The following LPAR1 variants were observed in gnomAD, a reference collection of about 807,000 sequenced individuals.
The protein encoded by LPAR1 is lysophosphatidic acid receptor 1, also known as LPA receptor 1.
A neutral mutation model predicts 23.8 loss-of-function variants in LPAR1; 5 were observed. The ratio of observed to expected loss-of-function variants is 0.21; its 90% confidence interval spans 0.11 to 0.44. The LOEUF (loss-of-function observed/expected upper bound fraction) is 0.44. Ranked by LOEUF, LPAR1 falls within the 20% of genes least tolerant of loss-of-function variation. The pLI is 0.99. For synonymous variants in LPAR1, 160 were observed against 164.7 expected (o/e 0.97, Z 0.22); for missense variants, 311 against 482.8 (o/e 0.64, Z 3.33).
At chr9:111,020,191 A>C (rs910469553) in intron 2 of LPAR1, among the ~76,000 whole-genome samples, 1 of 152,246 alleles carries the variant, frequency 6.6e-6, no homozygotes, top group African/African-American at 2.4e-5. Flanking sequence ...ATTAGGGAGA[A>C]AATCCAGTCC....
intron 5 of LPAR1, among the ~76,000 whole-genome samples, chr9:110,904,774 T>A (rs892426249): frequency 6.6e-6 from 1 of 152,192 alleles, no homozygotes; most frequent in Admixed American, 6.5e-5. Flanking sequence ...CCACACCCAG[T>A]GATAATTCTA....
intron 5 of LPAR1, among the ~76,000 whole-genome samples, chr9:110,900,165 G>C (rs943062638): frequency 6.6e-6 from 1 of 152,132 alleles, no homozygotes; most frequent in African/African-American, 2.4e-5. Flanking sequence ...GTGAGTCCTT[G>C]CTAGGCAAAA....
intron 2 of LPAR1, among the ~76,000 whole-genome samples, chr9:111,030,568 C>T (rs1016378873): frequency 6.6e-6 from 1 of 152,152 alleles, no homozygotes; most frequent in African/African-American, 2.4e-5. Context: ...TTCTACCTAA[C>T]AAAAGGTTCA....
chr9:110,903,914 GCACTGAGAGAGCAACAACA>G (rs565988066), intron 5 of LPAR1, among the ~76,000 whole-genome samples: 73 of 99,762 alleles, frequency 7.3e-4, no homozygotes, highest in Admixed American at 1.7e-3. Context: ...AGTCTTGAAA[GCACTGAGAGAGCAACAACA>G]CATTACCTAT....
chr9:110,939,393 C>T (rs966247394), intron 5 of LPAR1, among the ~76,000 whole-genome samples: 2 of 152,224 alleles, frequency 1.3e-5, no homozygotes, highest in Non-Finnish European at 2.9e-5. Context: ...AATACCTTCA[C>T]CTATCACCGT....
chr9:110,914,974 A>T (rs1248107402), intron 5 of LPAR1, among the ~76,000 whole-genome samples: 1 of 152,160 alleles, frequency 6.6e-6, no homozygotes, highest in African/African-American at 2.4e-5. Context: ...AGTTAAAAAA[A>T]AAAAGAATTT....
intron 4 of LPAR1, among the ~76,000 whole-genome samples, chr9:110,958,105 T>C (rs2095823191): frequency 6.6e-6 from 1 of 152,108 alleles, no homozygotes; most frequent in South Asian, 2.1e-4. Context: ...AAAGACATCC[T>C]ATGCTTATAG....
intron 4 of LPAR1, among the ~76,000 whole-genome samples, chr9:110,955,610 T>C (rs889804267): frequency 2.0e-5 from 3 of 151,968 alleles, no homozygotes; most frequent in Admixed American, 6.6e-5. Flanking sequence ...CTATAGAATA[T>C]ACATTCTTTG....
chr9:110,979,419 G>A (rs2096623601), intron 2 of LPAR1, among the ~76,000 whole-genome samples: 1 of 152,034 alleles, frequency 6.6e-6, no homozygotes. Flanking sequence ...ATGGGGTGGA[G>A]TGAAGTCAAA....
chr9:110,918,351 T>C (rs1413234979), intron 5 of LPAR1, among the ~76,000 whole-genome samples: 1 of 152,192 alleles, frequency 6.6e-6, no homozygotes, highest in Non-Finnish European at 1.5e-5. Flanking sequence ...GCATGTTTCC[T>C]ATACCAAAAA....
intron 4 of LPAR1, among the ~76,000 whole-genome samples, 177 bp from the exon 5 acceptor site, chr9:110,942,345 A>G (rs2095162820): frequency 1.3e-5 from 2 of 152,242 alleles, no homozygotes; most frequent in African/African-American, 4.8e-5. Flanking sequence ...GTTTCTCACA[A>G]TATTACTGTC....
upstream of LPAR1, chr9:111,038,564 T>C (rs1325045316): frequency 1.3e-5 from 6 of 449,664 alleles, no homozygotes; most frequent in Non-Finnish European, 2.2e-5. This position sits in a 1 kb window ranked among gnomAD's most constrained non-coding sequence, Gnocchi z 4.4. Flanking sequence ...TCCGCCTTCC[T>C]TCTTTTCTGC....
At chr9:110,914,514 A>G (rs9696035) in intron 5 of LPAR1, among the ~76,000 whole-genome samples, 11,351 of 152,210 alleles carry the variant, frequency 0.075, 1,454 homozygotes, top group African/African-American at 0.25. Flanking sequence ...CCCTCCCACA[A>G]CACATGGGAA....
At chr9:110,898,066 G>A (rs2087099155) in intron 5 of LPAR1, among the ~76,000 whole-genome samples, 1 of 152,196 alleles carries the variant, frequency 6.6e-6, no homozygotes, top group African/African-American at 2.4e-5. Flanking sequence ...TATTTCAAGA[G>A]CTGAGAAAAC....
At chr9:110,942,214 C>T in intron 4 of LPAR1, 46 bp from the exon 5 acceptor site, 1 of 1,538,798 alleles carries the variant, frequency 6.5e-7, no homozygotes. Context: ...GGCACAGGTC[C>T]AAATTTAAAG....
chr9:110,897,436 A>G (rs1025065928), intron 5 of LPAR1, among the ~76,000 whole-genome samples: 2 of 152,184 alleles, frequency 1.3e-5, no homozygotes, highest in African/African-American at 4.8e-5. Context: ...TTTCTTTTGT[A>G]AATTGCTCAG....
At chr9:110,927,837 C>T (rs1304037521) in intron 5 of LPAR1, among the ~76,000 whole-genome samples, 2 of 151,866 alleles carry the variant, frequency 1.3e-5, no homozygotes, top group Non-Finnish European at 2.9e-5. Context: ...AGATTTTAGT[C>T]GTATGAAAAT....
At chr9:111,009,661 A>T (rs932150258) in intron 2 of LPAR1, among the ~76,000 whole-genome samples, 1 of 151,964 alleles carries the variant, frequency 6.6e-6, no homozygotes, top group African/African-American at 2.4e-5. Flanking sequence ...TAGTAAAAAA[A>T]GTTATTTAAA....
intron 4 of LPAR1, among the ~76,000 whole-genome samples, chr9:110,948,686 T>C (rs1414411569): frequency 1.3e-5 from 2 of 152,084 alleles, no homozygotes; most frequent in Non-Finnish European, 1.5e-5. Context: ...CTGGATAAAG[T>C]ATAATAAATA....
Sources: allele counts gnomAD v4.1 joint callset (sites outside exome capture counted in the v4.1 genomes callset), GRCh38; gene constraint gnomAD v4.1.1; non-coding constraint Gnocchi (gnomAD v3.1); transcripts MANE v1.5; gene names NCBI Gene and HGNC (gene_info 2026-07-23, HGNC 2026-07-21).